The following SATB1 variants were observed in gnomAD, a reference collection of about 807,000 sequenced individuals.
SATB1 encodes the protein DNA-binding protein SATB1.
In SATB1, 11 loss-of-function variants were observed where a neutral mutation model predicts 86.9. That is an observed-to-expected ratio of 0.13 (90% CI 0.08 to 0.21). SATB1 has a LOEUF of 0.21. SATB1 is among the 10% of genes least tolerant of loss of function. The pLI, the probability that SATB1 is intolerant of heterozygous loss-of-function variation, is 1.00. For synonymous variants in SATB1, 357 were observed against 357.2 expected, an observed-to-expected ratio of 1.00 and a Z score of 0.01; for missense variants, 551 against 937.6, an observed-to-expected ratio of 0.59 and a Z score of 5.39.
chr3:18,420,712 C>G, intron 2 of SATB1, 45 bp downstream of exon 2: 1 of 1,538,586 alleles, frequency 6.5e-7, no homozygotes, highest in Non-Finnish European at 9.0e-7. Flanking sequence ...CTTGTGTAGA[C>G]AACAGGGCTT....
intron 5 of SATB1, among the ~76,000 whole-genome samples, chr3:18,397,731 G>T (rs1036095616): frequency 2.6e-5 from 4 of 152,146 alleles, no homozygotes; most frequent in African/African-American, 9.7e-5. Flanking sequence ...GGCATCACTT[G>T]GAAGCTTGTT....
chr3:18,388,585 T>C (rs1372206299), intron 7 of SATB1, among the ~76,000 whole-genome samples: 1 of 152,120 alleles, frequency 6.6e-6, no homozygotes, highest in Admixed American at 6.5e-5. Context: ...GGACTGATCA[T>C]GTGTATAAAG....
intron 2 of SATB1, among the ~76,000 whole-genome samples, chr3:18,419,112 A>T (rs1489861708): frequency 6.6e-6 from 1 of 152,156 alleles, no homozygotes; most frequent in African/African-American, 2.4e-5. Flanking sequence ...TTTATTGTGG[A>T]TTTTATTGAT....
chr3:18,402,584 T>C (rs1236769394), intron 5 of SATB1, among the ~76,000 whole-genome samples: 1 of 152,152 alleles, frequency 6.6e-6, no homozygotes, highest in Non-Finnish European at 1.5e-5. Context: ...TGGAGTGCTG[T>C]ACCATATTTG....
At chr3:18,368,862 G>A (rs553145095) in intron 9 of SATB1, among the ~76,000 whole-genome samples, 3 of 152,004 alleles carry the variant, frequency 2.0e-5, no homozygotes, top group South Asian at 2.1e-4. Flanking sequence ...TTCCTCCTCC[G>A]CTCTTAGCTT....
intron 8 of SATB1, among the ~76,000 whole-genome samples, chr3:18,378,607 A>G (rs764567460): frequency 1.3e-5 from 2 of 152,178 alleles, no homozygotes; most frequent in Non-Finnish European, 2.9e-5. Flanking sequence ...AAATAGTTTC[A>G]AAGACTTGAA....
In SATB1 at chr3:18,423,875, G is replaced by A. The variant is rs1698521360; in HGVS notation, c.-273C>T. The stretch of plus-strand genomic sequence containing the variant: ...TAAACGTCTAGAAGAGTAGCCATGA[G>A]AAAGGGGTTTAAAAAAAAAATCACA... On this transcript the variant is annotated 5_prime_UTR_variant, in exon 1 of 11. Transcript: ENST00000338745. 1 of 151,336 alleles carries A rather than the reference G, an allele frequency of 6.6e-6. No individual in the cohort carries two copies. The highest frequency in any genetic ancestry group is 2.4e-5 in the African/African-American group (1 of 41,396). 9.4% of individuals were successfully genotyped at this position (151,336 alleles called of 1,614,324 possible).
intron 9 of SATB1, among the ~76,000 whole-genome samples, chr3:18,370,679 C>T (rs949505030): frequency 2.0e-5 from 3 of 151,874 alleles, no homozygotes; most frequent in Non-Finnish European, 4.4e-5. Context: ...TAAATATTTA[C>T]TCAAATTTGG....
chr3:18,418,810 G>GTA (rs1698243192), intron 2 of SATB1, among the ~76,000 whole-genome samples: 1 of 152,128 alleles, frequency 6.6e-6, no homozygotes, highest in Non-Finnish European at 1.5e-5. Flanking sequence ...AAAGACTTTA[G>GTA]TAATTTTGTT....
At chr3:18,438,798 A>T (rs947440122), upstream of SATB1, 1 of 152,380 alleles carries the variant, frequency 6.6e-6, no homozygotes, top group African/African-American at 2.4e-5. Context: ...CACTTCACCC[A>T]GTATAACGCC....
upstream of SATB1, among the ~76,000 whole-genome samples, chr3:18,440,718 G>A (rs1439694494): frequency 6.6e-6 from 1 of 152,050 alleles, no homozygotes; most frequent in Admixed American, 6.5e-5. Context: ...ATGATTTTTC[G>A]TGCCTGATCT....
intron 5 of SATB1, chr3:18,408,792 A>G (rs1697683138): frequency 6.6e-6 from 1 of 151,910 alleles, no homozygotes; most frequent in African/African-American, 2.4e-5. Context: ...AAGTTTAACT[A>G]GTAATTGAGA....
intron 4 of SATB1, 40 bp downstream of exon 4, chr3:18,415,966 TA>T: frequency 6.6e-7 from 1 of 1,524,248 alleles, no homozygotes. Flanking sequence ...AAAGACCAGG[TA>T]AGAAGAATGT....
chr3:18,373,590 C>T (rs1695582068), intron 9 of SATB1, among the ~76,000 whole-genome samples: 1 of 152,142 alleles, frequency 6.6e-6, no homozygotes, highest in South Asian at 2.1e-4. Flanking sequence ...TTTAAGACAT[C>T]CATTACCATG....
At chr3:18,438,219 T>C (rs766071239) in intron 1 of SATB1, among the ~76,000 whole-genome samples, 2 of 152,204 alleles carry the variant, frequency 1.3e-5, no homozygotes, top group African/African-American at 2.4e-5. Context: ...AACCAATGAA[T>C]AAGACTATAG....
chr3:18,357,763 C>T (rs761415686), intron 9 of SATB1, among the ~76,000 whole-genome samples: 16 of 151,766 alleles, frequency 1.1e-4, no homozygotes, highest in Non-Finnish European at 1.6e-4. Flanking sequence ...AACAATATTA[C>T]AACAGTATAG....
chr3:18,383,889 C>T (rs9833302), intron 8 of SATB1, among the ~76,000 whole-genome samples: 93,040 of 151,934 alleles, frequency 0.61, 29,064 homozygotes, highest in East Asian at 0.93. Flanking sequence ...TGTGAACAAA[C>T]TGGTAGTGAT....
At chr3:18,414,747 A>T (rs1273013726) in intron 5 of SATB1, among the ~76,000 whole-genome samples, 2 of 152,078 alleles carry the variant, frequency 1.3e-5, no homozygotes, top group Non-Finnish European at 2.9e-5. Flanking sequence ...ATTCCCTCTC[A>T]CCGAAGCTTC....
intron 9 of SATB1, among the ~76,000 whole-genome samples, chr3:18,356,063 C>T (rs1441705424): frequency 6.6e-6 from 1 of 152,018 alleles, no homozygotes; most frequent in East Asian, 1.9e-4. Context: ...TGAGCTGTTG[C>T]AATCAATCAC....
Sources: gnomAD v4.1 joint callset for allele counts (sites outside exome capture counted in the v4.1 genomes callset) on GRCh38, gnomAD v4.1.1 for gene constraint, MANE v1.5 for transcripts, NCBI Gene and HGNC (gene_info 2026-07-23, HGNC 2026-07-21) for gene names.